NBAS: variants seen among roughly 807,000 people sequenced by gnomAD.
The protein encoded by NBAS is NBAS subunit of NRZ tethering complex.
Under a neutral mutation model 302.5 loss-of-function variants are expected in NBAS, and 219 were observed. That is an observed-to-expected ratio of 0.72 (90% CI 0.65 to 0.81). The LOEUF (loss-of-function observed/expected upper bound fraction) is 0.81, where lower values mean the gene tolerates loss of function less well. Ranked by LOEUF, NBAS falls within the 30% of genes least tolerant of loss-of-function variation. The pLI, the probability that NBAS is intolerant of heterozygous loss-of-function variation, is 0.00. For synonymous variants in NBAS, 1,118 were observed against 1,021.6 expected (o/e 1.09, Z -1.80); for missense variants, 2,932 against 2,841.6 (o/e 1.03, Z -0.72).
At chr2:15,446,459 A>C (rs1014434102) in intron 21 of NBAS, among the ~76,000 whole-genome samples, 2 of 152,132 alleles carry the variant, frequency 1.3e-5, no homozygotes, top group Non-Finnish European at 2.9e-5. Context: ...TCAATAAAAT[A>C]TCTTCCAAAA....
the NBAS span, among the ~76,000 whole-genome samples, chr2:14,785,851 GGATTCCCTCTTTTTCTATT>G: frequency 1.3e-5 from 2 of 152,176 alleles, no homozygotes; most frequent in Admixed American, 1.3e-4. Flanking sequence ...GAGTTAGGGA[GGATTCCCTCTTTTTCTATT>G]GATTGGAATA....
intron 47 of NBAS, among the ~76,000 whole-genome samples, chr2:15,232,090 A>G (rs1667404760): frequency 6.6e-6 from 1 of 152,154 alleles, no homozygotes; most frequent in Non-Finnish European, 1.5e-5. Flanking sequence ...TCCACACTTA[A>G]TCAATACAGT....
the NBAS span, among the ~76,000 whole-genome samples, chr2:14,974,049 C>A: frequency 5.3e-5 from 8 of 152,192 alleles, no homozygotes; most frequent in Admixed American, 5.2e-4. Context: ...GAGAAAAGGA[C>A]AATCTCCTCA....
At chr2:14,852,488 T>A in the NBAS span, among the ~76,000 whole-genome samples, 2 of 102,816 alleles carry the variant, frequency 1.9e-5, 1 homozygote, top group Non-Finnish European at 3.9e-5. Context: ...ATCAATATCG[T>A]GAAAATGGGC....
intron 19 of NBAS, among the ~76,000 whole-genome samples, chr2:15,466,522 G>A (rs1285689240): frequency 6.6e-6 from 1 of 152,140 alleles, no homozygotes; most frequent in Non-Finnish European, 1.5e-5. Flanking sequence ...CCAACATGGG[G>A]ACATCTATGT....
chr2:15,221,324 C>T (rs1444657580), intron 47 of NBAS, among the ~76,000 whole-genome samples: 1 of 152,154 alleles, frequency 6.6e-6, no homozygotes, highest in Non-Finnish European at 1.5e-5. Context: ...AGTGTGTCAC[C>T]TGGAGTCTGT....
At chr2:15,059,444 T>A in the NBAS span, among the ~76,000 whole-genome samples, 1 of 152,184 alleles carries the variant, frequency 6.6e-6, no homozygotes, top group Non-Finnish European at 1.5e-5. Flanking sequence ...CTGCCCATTC[T>A]CATAGAGCCA....
intron 38 of NBAS, among the ~76,000 whole-genome samples, chr2:15,317,854 C>T (rs1224361240): frequency 6.6e-6 from 1 of 152,146 alleles, no homozygotes; most frequent in African/African-American, 2.4e-5. Context: ...ACTTCCCCAA[C>T]CTAGCAAGAC....
the NBAS span, among the ~76,000 whole-genome samples, chr2:14,783,412 T>A: frequency 7.5e-4 from 114 of 151,434 alleles, no homozygotes; most frequent in African/African-American, 2.3e-3. Context: ...GCTGGTGTGC[T>A]GCACCCATTA....
chr2:14,929,292 A>G, the NBAS span, among the ~76,000 whole-genome samples: 1 of 152,216 alleles, frequency 6.6e-6, no homozygotes, highest in Non-Finnish European at 1.5e-5. Flanking sequence ...ATCACACACT[A>G]AAGTGTTCCC....
the NBAS span, among the ~76,000 whole-genome samples, chr2:14,812,683 T>G: frequency 6.6e-6 from 1 of 152,210 alleles, no homozygotes; most frequent in South Asian, 2.1e-4. Flanking sequence ...CACATGCACT[T>G]TATTTCTGCA....
the NBAS span, among the ~76,000 whole-genome samples, chr2:15,139,501 G>GGTGT: frequency 2.4e-4 from 35 of 148,624 alleles, no homozygotes; most frequent in South Asian, 4.5e-3. Context: ...TTTAGTGTAT[G>GGTGT]GTGTGTGTGT....
Position 15,218,934 on chromosome 2 carries a change from A to T in NBAS, c.6271T>A (p.Trp2091Arg). 6.2e-7 allele frequency: 1 copy of T among 1,614,252 alleles called. No homozygotes were observed. Among genetic ancestry groups the T allele is most frequent in the Non-Finnish European group, 8.5e-7 (1 of 1,180,038 alleles). ...TCATCAGCACAGAAAGGCCGCAGCC[A>T]CTCCAGCAGGTCCTCAGGTGAAACC... ...ELVSPEDLLEWLRPFCADDAW... is the reference protein window; with the variant it reads ...ELVSPEDLLERLRPFCADDAW... Residue 2091 changes from tryptophan to arginine, a missense_variant, in exon 48 of 52, where the codon TGG (tryptophan) becomes AGG (arginine). By Grantham distance (101) the Trp-to-Arg change is moderately radical. Coordinates refer to ENST00000281513, the MANE Select transcript of NBAS (RefSeq NM_015909.4).
intron 25 of NBAS, among the ~76,000 whole-genome samples, chr2:15,409,466 T>G (rs1233423305): frequency 1.3e-5 from 2 of 152,242 alleles, no homozygotes; most frequent in Non-Finnish European, 2.9e-5. Flanking sequence ...ATTTTTCATT[T>G]CTTCACCTTC....
chr2:15,312,764 C>G (rs1220072688), intron 38 of NBAS, among the ~76,000 whole-genome samples: 1 of 152,198 alleles, frequency 6.6e-6, no homozygotes, highest in Non-Finnish European at 1.5e-5. Flanking sequence ...TCCCAATAAA[C>G]TAAACTTAAC....
At chr2:14,941,237 C>A in the NBAS span, among the ~76,000 whole-genome samples, 1 of 152,166 alleles carries the variant, frequency 6.6e-6, no homozygotes, top group African/African-American at 2.4e-5. Flanking sequence ...ACAGTCCAGG[C>A]ATCTGTGGAA....
At chr2:14,915,222 GA>G in the NBAS span, among the ~76,000 whole-genome samples, 1 of 152,198 alleles carries the variant, frequency 6.6e-6, no homozygotes, top group African/African-American at 2.4e-5. Context: ...GCTGGTGAAA[GA>G]TATTACCTTT....
At chr2:15,445,946 A>C (rs1470226086) in intron 21 of NBAS, among the ~76,000 whole-genome samples, 1 of 152,006 alleles carries the variant, frequency 6.6e-6, no homozygotes, top group East Asian at 1.9e-4. Flanking sequence ...AATTATAGAC[A>C]AGTCAGAAGA....
the NBAS span, among the ~76,000 whole-genome samples, chr2:14,909,786 C>T: frequency 6.6e-6 from 1 of 152,210 alleles, no homozygotes; most frequent in African/African-American, 2.4e-5. Context: ...ACAATGGGCA[C>T]AGCGAGGTGC....
Sources: allele counts gnomAD v4.1 joint callset (sites outside exome capture counted in the v4.1 genomes callset), GRCh38; gene constraint gnomAD v4.1.1; transcripts MANE v1.5; gene names NCBI Gene and HGNC (gene_info 2026-07-23, HGNC 2026-07-21).